GRIK1: variants seen among roughly 807,000 people sequenced by gnomAD.
The protein encoded by GRIK1 is glutamate receptor ionotropic, kainate 1.
A neutral mutation model predicts 105.7 loss-of-function variants in GRIK1; 69 were observed. The ratio of observed to expected loss-of-function variants is 0.65; its 90% CI spans 0.54 to 0.80. GRIK1 has a LOEUF of 0.80. Among genes scored for constraint, GRIK1 ranks in the 30% least tolerant of loss-of-function variants. The probability of loss-of-function intolerance (pLI) is 0.00; values close to 1 mark genes in which losing one functional copy is unlikely to be tolerated. For synonymous variants in GRIK1, 438 were observed against 431.3 expected, an observed-to-expected ratio of 1.02 and a Z score of -0.19; for missense variants, 1,109 against 1,167.3, an observed-to-expected ratio of 0.95 and a Z score of 0.73.
At chr21:29,624,425 T>A (rs2062075524) in intron 7 of GRIK1, among the ~76,000 whole-genome samples, 1 of 152,154 alleles carries the variant, frequency 6.6e-6, no homozygotes, top group Non-Finnish European at 1.5e-5. Context: ...TTAGAAGTCA[T>A]TTTTTAAAGG....
intron 4 of GRIK1, among the ~76,000 whole-genome samples, chr21:29,672,406 T>C (rs2063176376): frequency 6.6e-6 from 1 of 152,194 alleles, no homozygotes; most frequent in African/African-American, 2.4e-5. Flanking sequence ...ATTACTCATG[T>C]CTTCATTTAT....
intron 11 of GRIK1, among the ~76,000 whole-genome samples, 192 bp downstream of exon 11, chr21:29,588,647 T>C (rs956605686): frequency 1.3e-5 from 2 of 152,214 alleles, no homozygotes; most frequent in Non-Finnish European, 2.9e-5. Flanking sequence ...ATGCACCATA[T>C]ATTTTTATCA....
At chr21:29,777,806 G>C (rs1172199954) in intron 1 of GRIK1, among the ~76,000 whole-genome samples, 1 of 151,770 alleles carries the variant, frequency 6.6e-6, no homozygotes, top group Non-Finnish European at 1.5e-5. Context: ...AGAACGAACA[G>C]AAAGAAAAAA....
At chr21:29,893,172 G>A (rs1437912197) in intron 1 of GRIK1, among the ~76,000 whole-genome samples, 1 of 152,194 alleles carries the variant, frequency 6.6e-6, no homozygotes. Context: ...AAGAGATGAA[G>A]TGATTTCATT....
At chr21:29,656,176 C>T (rs1248733963) in intron 4 of GRIK1, among the ~76,000 whole-genome samples, 2 of 151,102 alleles carry the variant, frequency 1.3e-5, no homozygotes, top group African/African-American at 2.4e-5. Context: ...TCCTGGTTAA[C>T]ACGGTGAAAC....
At position 29,537,828 on chromosome 21, in the gene GRIK1, C is replaced by T; in HGVS notation, c.2664G>A (p.Gly888=). 6.5e-7 allele frequency: 1 copy of T among 1,528,052 alleles called. No individual in the cohort carries two copies. The allele number at this position is 1,528,052 out of a possible 1,614,324, so 94.7% of individuals were successfully genotyped here. A position where few individuals can be genotyped will look rare whatever the true frequency, so the allele number is the denominator to read the frequency against. The change falls in exon 17 of 18, where the codon GGG becomes GGA. Residue 888 remains glycine (G), a synonymous_variant. Transcript: ENST00000327783. ...CTACACCAAGGCTTTGTTTTTTTCT[C>T]CCATGAAACCTTACTTTGTTCCTAA... The part of the protein sequence containing the change: ...FYFRNKVRFH[G]RKKQSLGVEK...
intron 16 of GRIK1, among the ~76,000 whole-genome samples, chr21:29,542,032 A>T (rs977716913): frequency 6.6e-6 from 1 of 150,484 alleles, no homozygotes; most frequent in African/African-American, 2.4e-5. Context: ...AATAATGTAG[A>T]GTGTGTGTGT....
intron 1 of GRIK1, among the ~76,000 whole-genome samples, chr21:29,866,875 A>G (rs1294679393): frequency 1.3e-5 from 2 of 152,220 alleles, no homozygotes; most frequent in African/African-American, 4.8e-5. Flanking sequence ...AACAAATTTC[A>G]TCAAACAAAG....
intron 1 of GRIK1, among the ~76,000 whole-genome samples, chr21:29,748,586 G>A (rs975618645): frequency 1.3e-5 from 2 of 152,184 alleles, no homozygotes; most frequent in African/African-American, 4.8e-5. Context: ...CCCAAACTCT[G>A]CTAGGCAGAA....
chr21:29,825,043 A>G (rs2067413378), intron 1 of GRIK1, among the ~76,000 whole-genome samples: 1 of 152,092 alleles, frequency 6.6e-6, no homozygotes, highest in Non-Finnish European at 1.5e-5. Flanking sequence ...TATTGTGGGA[A>G]GAATTAATTA....
intron 1 of GRIK1, among the ~76,000 whole-genome samples, chr21:29,885,433 C>A (rs1479073692): frequency 6.6e-6 from 1 of 151,912 alleles, no homozygotes; most frequent in Non-Finnish European, 1.5e-5. Context: ...TAAATTCCTT[C>A]CTAGAGATCT....
intron 7 of GRIK1, among the ~76,000 whole-genome samples, chr21:29,602,825 G>A (rs906843843): frequency 1.3e-5 from 2 of 152,156 alleles, no homozygotes; most frequent in African/African-American, 4.8e-5. Context: ...GGGAATCATG[G>A]GGGTGTTTTA....
In GRIK1 at chr21:29,537,864, A is replaced by G. The variant is rs753632656; in HGVS notation, c.2628T>C (p.Ile876=). The change falls in exon 17 of 18, where the codon ATT becomes ATC. Residue 876 remains isoleucine (I), a synonymous_variant. Coordinates refer to ENST00000327783, the MANE Select transcript of GRIK1 (RefSeq NM_001330994.2). The stretch of plus-strand genomic sequence containing the variant: ...TTACTTTGTTCCTAAAATAAAATCT[A>G]ATTCTTGATGACTTTCCTTTCTGAT... The part of the protein sequence containing the change: ...DIEQKGKSSR[I]RFYFRNKVRF... The G allele has an allele frequency of 6.4e-6, 9 of 1,410,694 alleles. No individual in the cohort carries two copies. Among genetic ancestry groups the G allele is most frequent in the Non-Finnish European group, 9.0e-6 (9 of 1,000,092 alleles). 87.4% of individuals were successfully genotyped at this position (1,410,694 alleles called of 1,614,324 possible).
chr21:29,878,199 T>G (rs2069261681), intron 1 of GRIK1, among the ~76,000 whole-genome samples: 1 of 152,120 alleles, frequency 6.6e-6, no homozygotes, highest in Non-Finnish European at 1.5e-5. Flanking sequence ...ATTAAATGAC[T>G]GCATTTGCTT....
intron 1 of GRIK1, among the ~76,000 whole-genome samples, chr21:29,852,570 T>G (rs1384764968): frequency 4.6e-5 from 7 of 152,172 alleles, no homozygotes; most frequent in Non-Finnish European, 8.8e-5. Context: ...TTCTTCCTAG[T>G]GGGCACATTG....
At chr21:29,630,907 C>T (rs191835372) in intron 7 of GRIK1, among the ~76,000 whole-genome samples, 66 of 152,134 alleles carry the variant, frequency 4.3e-4, no homozygotes, top group African/African-American at 1.5e-3. Context: ...TCAAGTGATC[C>T]TCCCACCCTC....
chr21:29,722,964 T>A (rs1378330400), intron 1 of GRIK1, among the ~76,000 whole-genome samples: 1 of 152,270 alleles, frequency 6.6e-6, no homozygotes, highest in Non-Finnish European at 1.5e-5. Context: ...TTACTGTTTA[T>A]GTCTATCTCA....
At chr21:29,802,986 TATTA>T (rs2066754855) in intron 1 of GRIK1, among the ~76,000 whole-genome samples, 2 of 152,144 alleles carry the variant, frequency 1.3e-5, no homozygotes, top group Non-Finnish European at 2.9e-5. Context: ...GAAGGTTTCT[TATTA>T]ATTGATTATT....
chr21:29,663,376 G>T (rs1381744254), intron 4 of GRIK1, among the ~76,000 whole-genome samples: 2 of 152,168 alleles, frequency 1.3e-5, no homozygotes, highest in Non-Finnish European at 2.9e-5. Flanking sequence ...GTCTACCCGT[G>T]AGGGAGCCTC....
Sources: gnomAD v4.1 joint callset for allele counts (sites outside exome capture counted in the v4.1 genomes callset) on GRCh38, gnomAD v4.1.1 for gene constraint, MANE v1.5 for transcripts, NCBI Gene and HGNC (gene_info 2026-07-23, HGNC 2026-07-21) for gene names.